Variants in DHX9 observed in about 807,000 individuals in gnomAD.
The protein encoded by DHX9 is DExH-box helicase 9.
Under a neutral mutation model 148.7 loss-of-function variants are expected in DHX9, and 27 were observed. That is an observed-to-expected ratio of 0.18 (90% confidence interval 0.13 to 0.25). DHX9 has a LOEUF of 0.25. Among genes scored for constraint, DHX9 ranks in the 10% least tolerant of loss-of-function variants. The pLI, the probability that DHX9 is intolerant of heterozygous loss-of-function variation, is 1.00. For missense variants in DHX9, 796 were observed against 1,559.6 expected (o/e 0.51, Z 8.25); for synonymous variants, 529 against 516.6 (o/e 1.02, Z -0.33).
intron 5 of DHX9, 129 bp downstream of exon 5, chr1:182,853,547 T>G (rs1668198027): frequency 1.6e-6 from 1 of 623,060 alleles, no homozygotes; most frequent in Non-Finnish European, 2.8e-6. Context: ...TTGAGACTAC[T>G]TATTAGCACA....
chr1:182,883,748 A>T, intron 26 of DHX9, 113 bp downstream of exon 26: 1 of 610,912 alleles, frequency 1.6e-6, no homozygotes, highest in Non-Finnish European at 2.7e-6. Flanking sequence ...TTAATTATAT[A>T]CTATATACTT....
Position 182,872,624 on chromosome 1 carries a change from T to G in DHX9, c.1714+131T>G, listed in dbSNP as rs113344074. On this transcript the variant is annotated intron_variant, in intron 15 of 27. Coordinates refer to ENST00000367549, the MANE Select transcript of DHX9 (RefSeq NM_001357.5). ...ACAAATTATAGTATCAAATGTATCA[T>G]AGCATTTTTGAGGAGTTTCTCTTCT... 8.2e-5 allele frequency: 86 copies of G among 1,045,058 alleles called. No homozygotes were observed. The African/African-American group carries it at 1.1e-3, about 13-fold the overall frequency. 64.7% of individuals were successfully genotyped at this position (1,045,058 alleles called of 1,614,324 possible).
intron 3 of DHX9, among the ~76,000 whole-genome samples, chr1:182,848,793 C>T (rs1668077489): frequency 6.6e-6 from 1 of 152,114 alleles, no homozygotes; most frequent in African/African-American, 2.4e-5. Context: ...CTGAAGAGGC[C>T]TCAGTAAACT....
Position 182,867,059 on chromosome 1 carries a change from G to C in DHX9, c.1557+16G>C. Reference sequence around the variant, plus strand: ...AGATATTAATGTAAGTAACTTGAGAGGTACAGTAAGGTACTTAATTCTGCT... The same window carrying C: ...AGATATTAATGTAAGTAACTTGAGACGTACAGTAAGGTACTTAATTCTGCT... On this transcript the variant is annotated intron_variant, in intron 14 of 27. Transcript: ENST00000367549. The C allele has an allele frequency of 6.9e-7, 1 of 1,440,604 alleles. No homozygotes were observed. The highest frequency in any genetic ancestry group is 9.5e-7 in the Non-Finnish European group (1 of 1,054,472). The allele number at this position is 1,440,604 out of a possible 1,614,324, so 89.2% of individuals were successfully genotyped here. A position where few individuals can be genotyped will look rare whatever the true frequency, so the allele number is the denominator to read the frequency against.
intron 3 of DHX9, among the ~76,000 whole-genome samples, chr1:182,849,470 AT>A (rs2102592623): frequency 1.3e-5 from 2 of 152,252 alleles, no homozygotes; most frequent in Admixed American, 1.3e-4. Context: ...ATATAATGAG[AT>A]ATCCAATTAA....
In DHX9 at chr1:182,864,677, G is replaced by A. The variant is rs143841576; in HGVS notation, c.1333-1767G>A. On this transcript the variant is annotated intron_variant, in intron 12 of 27. Coordinates refer to ENST00000367549, the MANE Select transcript of DHX9 (RefSeq NM_001357.5). The stretch of plus-strand genomic sequence containing the variant: ...ATATAAAATATGGGAAAGAGATTGC[G>A]GGGTCATTTATTTCTTTGCTGTTGA... Among the ~76,000 whole-genome samples the A allele has an allele frequency of 9.2e-4, 140 of 152,266 alleles. 1 individual carries two copies. Among genetic ancestry groups the A allele is most frequent in the African/African-American group, 2.8e-3 (117 of 41,536 alleles).
intron 6 of DHX9, 106 bp downstream of exon 6, chr1:182,854,284 TTAGAA>T (rs1308129475): frequency 2.3e-5 from 24 of 1,048,030 alleles, no homozygotes; most frequent in Middle Eastern, 4.4e-4. Context: ...ATTGTGTGGA[TTAGAA>T]TTGAATTGTT....
intron 24 of DHX9, 125 bp from the exon 25 acceptor site, chr1:182,883,014 T>C: frequency 3.0e-6 from 2 of 674,916 alleles, no homozygotes; most frequent in Non-Finnish European, 5.2e-6. Flanking sequence ...GAGAAAGTTT[T>C]ACAGACAGGT....
At chr1:182,866,353 G>A in intron 12 of DHX9, 91 bp from the exon 13 acceptor site, 1 of 1,332,996 alleles carries the variant, frequency 7.5e-7, no homozygotes. Context: ...CTAGCAGTAG[G>A]ACAGATTTAC....
intron 3 of DHX9, among the ~76,000 whole-genome samples, chr1:182,849,230 A>G (rs925373306): frequency 1.3e-5 from 2 of 152,146 alleles, no homozygotes; most frequent in Non-Finnish European, 2.9e-5. Context: ...GCTGTGGACA[A>G]TTGTAGATGT....
chr1:182,849,880 G>A (rs896225280), intron 3 of DHX9, among the ~76,000 whole-genome samples: 1 of 150,358 alleles, frequency 6.7e-6, no homozygotes, highest in African/African-American at 2.5e-5. Flanking sequence ...TACCTGTGAT[G>A]TGTCACAAAT....
chr1:182,849,078 C>A (rs529340509), intron 3 of DHX9, among the ~76,000 whole-genome samples: 4 of 152,320 alleles, frequency 2.6e-5, no homozygotes, highest in African/African-American at 9.6e-5. Context: ...CAAACTGTTA[C>A]CAGCTACCAT....
intron 4 of DHX9, among the ~76,000 whole-genome samples, chr1:182,853,087 C>T (rs749025039): frequency 1.2e-4 from 18 of 151,780 alleles, no homozygotes; most frequent in Non-Finnish European, 1.9e-4. Context: ...CCACCATGCC[C>T]GGCTAATTTT....
intron 11 of DHX9, among the ~76,000 whole-genome samples, chr1:182,859,435 C>G (rs1179117919): frequency 6.6e-6 from 1 of 152,102 alleles, no homozygotes; most frequent in Non-Finnish European, 1.5e-5. Context: ...GTGCGACTTT[C>G]AGGGACAATG....
At chr1:182,880,243 A>G (rs1649028101) in intron 21 of DHX9, among the ~76,000 whole-genome samples, 1 of 152,166 alleles carries the variant, frequency 6.6e-6, no homozygotes, top group South Asian at 2.1e-4. Flanking sequence ...TACTGTATTT[A>G]TAGACTTCAT....
At chr1:182,881,832 T>C (rs1469940643) in intron 24 of DHX9, among the ~76,000 whole-genome samples, 185 bp downstream of exon 24, 1 of 152,214 alleles carries the variant, frequency 6.6e-6, no homozygotes, top group African/African-American at 2.4e-5. Context: ...GATAACCTTA[T>C]AGTGGTTTGC....
At position 182,841,993 on chromosome 1, in the gene DHX9, A is replaced by G. The variant is rs115061862; in HGVS notation, c.-22-552A>G. 3.8e-3 allele frequency among the ~76,000 whole-genome samples: 577 copies of G among 152,336 alleles called. 5 individuals carry two copies. The highest frequency in any genetic ancestry group is 0.013 in the African/African-American group (556 of 41,578). ...CCTACAACTTTGGGGACAATATGCT[A>G]GTGGTCATAATCAGAATGAGAATAA... On this transcript the variant is annotated intron_variant, in intron 1 of 27. Transcript: ENST00000367549.
chr1:182,871,513 C>A (rs898717930), intron 14 of DHX9, among the ~76,000 whole-genome samples: 1 of 152,192 alleles, frequency 6.6e-6, no homozygotes, highest in Non-Finnish European at 1.5e-5. Context: ...CTTGGCAATT[C>A]CATACCCATG....
chr1:182,887,044 G>T (rs374364921), intron 27 of DHX9, 39 bp from the exon 28 acceptor site: 11 of 1,574,736 alleles, frequency 7.0e-6, no homozygotes, highest in South Asian at 2.2e-5. Flanking sequence ...GAAATAATAA[G>T]AATGCTTTGC....
Sources: allele counts gnomAD v4.1 joint callset (sites outside exome capture counted in the v4.1 genomes callset), GRCh38; gene constraint gnomAD v4.1.1; transcripts MANE v1.5; gene names NCBI Gene and HGNC (gene_info 2026-07-23, HGNC 2026-07-21).